MPP2: variants seen among roughly 807,000 people sequenced by gnomAD.
The protein encoded by MPP2 is MAGUK p55 scaffold protein 2.
MPP2 carries 42 observed loss-of-function variants against 58.5 expected under a neutral mutation model. The ratio of observed to expected loss-of-function variants is 0.72; its 90% confidence interval spans 0.56 to 0.93. The LOEUF is 0.93. Ranked by LOEUF, MPP2 falls within the 40% of genes least tolerant of loss-of-function variation. MPP2 has a pLI of 0.00. For synonymous variants in MPP2, 300 were observed against 307.8 expected (o/e 0.97, Z 0.26); for missense variants, 632 against 760.4 (o/e 0.83, Z 1.99).
chr17:43,882,911 C>T lies in MPP2; in HGVS notation c.445G>A (p.Glu149Lys). ...CCCTGCCCAGTCCTCACCAGATGTTCTCCGGCTGTCTTGCGGATGCCCACC... is the reference window on the plus strand; with the variant it reads ...CCCTGCCCAGTCCTCACCAGATGTTTTCCGGCTGTCTTGCGGATGCCCACC... ...RMVGIRKTAG[E>K]HLGVTFRVEG... Residue 149 changes from glutamate to lysine, a missense_variant, in exon 5 of 13, where the codon GAA becomes AAA. By Grantham distance (56) the Glu-to-Lys change is moderately conservative. Transcript: ENST00000269095. 6.2e-7 allele frequency: 1 copy of T among 1,614,132 alleles called. No homozygotes were observed. Among genetic ancestry groups the T allele is most frequent in the Non-Finnish European group, 8.5e-7 (1 of 1,180,038 alleles).
At chr17:43,899,525 A>G (rs531294146) in intron 2 of MPP2, among the ~76,000 whole-genome samples, 113 of 152,250 alleles carry the variant, frequency 7.4e-4, no homozygotes, top group African/African-American at 2.5e-3. Context: ...AAATGGATGG[A>G]TTGGGCTAGA....
chr17:43,882,513 T>C lies in MPP2; in HGVS notation c.454-2A>G. ...GCCCTCCACGCGGAACGTTACACCC[T>C]GGAGGTCAGAGGGAGTGTAAGATGA... On this transcript the variant is annotated splice_acceptor_variant, in intron 5 of 12. Transcript: ENST00000269095. LOFTEE classifies it high-confidence loss of function. 6.2e-7 allele frequency: 1 copy of C among 1,602,416 alleles called. No homozygotes were observed. The highest frequency in any genetic ancestry group is 8.5e-7 in the Non-Finnish European group (1 of 1,179,670).
rs2046880698 is a variant in MPP2, at chr17:43,877,150, G to A, written c.*657C>T. 1 of 153,020 alleles carries A rather than the reference G, an allele frequency of 6.5e-6. No individual in the cohort carries two copies. The highest frequency in any genetic ancestry group is 1.5e-5 in the Non-Finnish European group (1 of 68,324). The allele number at this position is 153,020 out of a possible 1,614,324, so 9.5% of individuals were successfully genotyped here. A position where few individuals can be genotyped will look rare whatever the true frequency, so the allele number is the denominator to read the frequency against. On this transcript the variant is annotated 3_prime_UTR_variant, in exon 13 of 13. Transcript: ENST00000269095. ...TCGGCAGTGAGAAGCTGTGGATGAG[G>A]GAAGGACCGAGCAGCATCTGCCCTG...
At chr17:43,906,750 C>A (rs1033347781) in intron 1 of MPP2, among the ~76,000 whole-genome samples, 1 of 152,066 alleles carries the variant, frequency 6.6e-6, no homozygotes, top group Admixed American at 6.6e-5. Context: ...GGGAGGGGGG[C>A]GTGTTGTGAG....
chr17:43,886,034 G>C (rs2047353567), intron 3 of MPP2, among the ~76,000 whole-genome samples: 1 of 151,782 alleles, frequency 6.6e-6, no homozygotes, highest in Non-Finnish European at 1.5e-5. Context: ...CTTGGACCCG[G>C]GAGGCAGAGG....
intron 3 of MPP2, among the ~76,000 whole-genome samples, chr17:43,894,473 C>T (rs1276261811): frequency 1.7e-5 from 2 of 120,570 alleles, no homozygotes; most frequent in African/African-American, 2.9e-5. Flanking sequence ...AAAAATTAGC[C>T]GGGCATGGTG....
chr17:43,896,766 A>C (rs1440839005), intron 3 of MPP2, among the ~76,000 whole-genome samples: 1 of 152,098 alleles, frequency 6.6e-6, no homozygotes, highest in East Asian at 1.9e-4. Flanking sequence ...TGACCAGTCA[A>C]ACCTTCCCTT....
In MPP2 at chr17:43,877,739, G is replaced by T; in HGVS notation, c.*68C>A. The T allele has an allele frequency of 7.2e-7, 1 of 1,390,518 alleles. No homozygotes were observed. The highest frequency in any genetic ancestry group is 1.0e-6 in the Non-Finnish European group (1 of 992,728). 86.1% of individuals were successfully genotyped at this position (1,390,518 alleles called of 1,614,324 possible). A position where few individuals can be genotyped will look rare whatever the true frequency, so the allele number is the denominator to read the frequency against. On this transcript the variant is annotated 3_prime_UTR_variant, in exon 13 of 13. Transcript: ENST00000269095. The stretch of plus-strand genomic sequence containing the variant: ...TAAGGATTGTGGCAGGGGGTCACAG[G>T]TCAGGAGGGGGATGGATTCAGGTTC...
At chr17:43,881,062 G>A in intron 9 of MPP2, 28 bp downstream of exon 9, 3 of 1,611,998 alleles carry the variant, frequency 1.9e-6, no homozygotes, top group South Asian at 1.1e-5. Flanking sequence ...TTAGAGGAGG[G>A]TAAGGGAGGG....
upstream of MPP2, among the ~76,000 whole-genome samples, chr17:43,909,190 C>G (rs2048379584): frequency 6.6e-6 from 1 of 152,098 alleles, no homozygotes; most frequent in Non-Finnish European, 1.5e-5. Flanking sequence ...CCTCAGCTTC[C>G]CGAGTAGCTG....
chr17:43,906,089 TCTC>T (rs1425072451), intron 1 of MPP2: 1 of 984,662 alleles, frequency 1.0e-6, no homozygotes, highest in Non-Finnish European at 1.2e-6. Context: ...CCTGGAGCCT[TCTC>T]CTGGCTGGCG....
At chr17:43,894,442 TATAC>T (rs1218326713) in intron 3 of MPP2, among the ~76,000 whole-genome samples, 18 of 15,792 alleles carry the variant, frequency 1.1e-3, no homozygotes, top group East Asian at 4.8e-3. Context: ...TATATATATA[TATAC>T]ACACACACAC....
Position 43,898,381 on chromosome 17 carries a change from C to T in MPP2, c.32-1G>A, listed in dbSNP as rs1398282281. 1.2e-6 allele frequency: 2 copies of T among 1,612,026 alleles called. No individual in the cohort carries two copies. The highest frequency in any genetic ancestry group is 1.7e-6 in the Non-Finnish European group (2 of 1,178,312). Reference sequence around the variant, plus strand: ...AAGTTGTCCAGGACTTGCTGCATGGCTGGGGGAAGGTACGGGCAGTGAGAT... The same window carrying T: ...AAGTTGTCCAGGACTTGCTGCATGGTTGGGGGAAGGTACGGGCAGTGAGAT... On this transcript the variant is annotated splice_acceptor_variant, in intron 2 of 12. Coordinates refer to ENST00000269095, the MANE Select transcript of MPP2 (RefSeq NM_005374.5). LOFTEE classifies it high-confidence loss of function.
At chr17:43,909,192 G>T (rs998934326), upstream of MPP2, among the ~76,000 whole-genome samples, 1 of 151,918 alleles carries the variant, frequency 6.6e-6, no homozygotes, top group East Asian at 1.9e-4. Context: ...TCAGCTTCCC[G>T]AGTAGCTGGG....
chr17:43,881,738 C>T (rs1489096821), intron 6 of MPP2, 149 bp from the exon 7 acceptor site: 5 of 1,073,058 alleles, frequency 4.7e-6, no homozygotes, highest in Non-Finnish European at 6.6e-6. Flanking sequence ...TGCCCATGCT[C>T]CTCCCTGGTG....
Position 43,880,797 on chromosome 17 carries a change from G to A in MPP2, c.1044C>T (p.Phe348=), listed in dbSNP as rs778158735. ...CAATCAGTACCAGGGTTTTCCGGCG[G>A]AACGGGGGCATGCGGGCCACCTCCT... is the stretch of plus-strand genomic sequence containing the variant. The part of the protein sequence containing the change: ...IYEEVARMPP[F]RRKTLVLIGA... Residue 348 remains phenylalanine, a synonymous_variant, in exon 10 of 13, where the codon TTC becomes TTT. Coordinates refer to ENST00000269095, the MANE Select transcript of MPP2 (RefSeq NM_005374.5). This position sits in a 1 kb window ranked among gnomAD's most constrained non-coding sequence, Gnocchi z 5.2. 1.9e-6 allele frequency: 3 copies of A among 1,613,520 alleles called. No individual in the cohort carries two copies. The highest frequency in any genetic ancestry group is 1.1e-5 in the South Asian group (1 of 91,010).
chr17:43,884,188 A>G (rs891154280), intron 3 of MPP2: 3 of 701,510 alleles, frequency 4.3e-6, no homozygotes, highest in African/African-American at 3.5e-5. Context: ...TCATTAATAC[A>G]TTATGTAAGA....
At chr17:43,895,472 A>T (rs1308568067) in intron 3 of MPP2, among the ~76,000 whole-genome samples, 1 of 152,072 alleles carries the variant, frequency 6.6e-6, no homozygotes, top group East Asian at 1.9e-4. Context: ...CATTATTAAC[A>T]TTTTGGAGAT....
chr17:43,893,707 G>A (rs2047700599), intron 3 of MPP2, among the ~76,000 whole-genome samples: 1 of 152,184 alleles, frequency 6.6e-6, no homozygotes, highest in Non-Finnish European at 1.5e-5. Context: ...CTTATGAGAA[G>A]TCTAACAAAT....
Sources: gnomAD v4.1 joint callset for allele counts (sites outside exome capture counted in the v4.1 genomes callset) on GRCh38, gnomAD v4.1.1 for gene constraint, Gnocchi (gnomAD v3.1) non-coding constraint, MANE v1.5 for transcripts, NCBI Gene and HGNC (gene_info 2026-07-23, HGNC 2026-07-21) for gene names.